Variants in EIF4E2 observed in about 807,000 individuals in gnomAD.
EIF4E2 encodes eukaryotic translation initiation factor 4E family member 2, also known as eukaryotic translation initiation factor 4E type 2.
Under a neutral mutation model 34.2 loss-of-function variants are expected in EIF4E2, and 13 were observed. That is an observed-to-expected ratio of 0.38 (90% confidence interval 0.25 to 0.60). The LOEUF is 0.60. EIF4E2 is among the 20% of genes least tolerant of loss of function. The pLI is 0.62. For synonymous variants in EIF4E2, 100 were observed against 106.6 expected (o/e 0.94, Z 0.38); for missense variants, 222 against 315.1 (o/e 0.70, Z 2.24).
intron 1 of EIF4E2, among the ~76,000 whole-genome samples, chr2:232,555,079 C>T (rs1042916447): frequency 6.6e-6 from 1 of 152,168 alleles, no homozygotes; most frequent in Non-Finnish European, 1.5e-5. Flanking sequence ...CAACATGTGA[C>T]TAGCTCATTC....
intron 3 of EIF4E2, among the ~76,000 whole-genome samples, chr2:232,561,328 A>G (rs2106242237): frequency 1.4e-5 from 1 of 72,716 alleles, no homozygotes; most frequent in South Asian, 3.7e-4. Flanking sequence ...CCCTCTTGTG[A>G]AAAAAAAAAG....
intron 6 of EIF4E2, among the ~76,000 whole-genome samples, chr2:232,578,492 G>C (rs554416980): frequency 6.6e-6 from 1 of 151,990 alleles, no homozygotes; most frequent in Admixed American, 6.6e-5. Context: ...TTAGCTGGGC[G>C]TGGTGGTGCA....
At chr2:232,558,100 G>A in intron 3 of EIF4E2, 82 bp downstream of exon 3, 3 of 1,530,720 alleles carry the variant, frequency 2.0e-6, no homozygotes, top group Non-Finnish European at 2.6e-6. Flanking sequence ...TACTTTCCTA[G>A]TAACCTATTT....
At chr2:232,552,432 C>T (rs887179519) in intron 1 of EIF4E2, among the ~76,000 whole-genome samples, 15 of 152,110 alleles carry the variant, frequency 9.9e-5, no homozygotes, top group African/African-American at 3.6e-4. Context: ...AGGCCGATCT[C>T]GAACTCGGGC....
In EIF4E2 at chr2:232,566,210, G is replaced by A. The variant is rs368847412; in HGVS notation, c.376-619G>A. Reference sequence around the variant, plus strand: ...TTTGTTTTGTTTTGTTTTTTGAGACGGAGTCTTGCTGTGTTTCCCAGGCGG... The same window carrying A: ...TTTGTTTTGTTTTGTTTTTTGAGACAGAGTCTTGCTGTGTTTCCCAGGCGG... On this transcript the variant is annotated intron_variant, in intron 4 of 6. Transcript: ENST00000258416. The surrounding 1 kb of genome is among the most constrained non-coding windows in gnomAD (Gnocchi z 4.9). 2.0e-5 allele frequency among the ~76,000 whole-genome samples: 3 copies of A among 151,890 alleles called. No homozygotes were observed. The highest frequency in any genetic ancestry group is 2.1e-4 in the South Asian group (1 of 4,828).
chr2:232,567,109 C>G lies in EIF4E2; in HGVS notation c.560C>G (p.Ala187Gly). 6.2e-7 allele frequency: 1 copy of G among 1,614,046 alleles called. No homozygotes were observed. Among genetic ancestry groups the G allele is most frequent in the Non-Finnish European group, 8.5e-7 (1 of 1,179,978 alleles). The change falls in exon 6 of 7, where the codon GCC (alanine) becomes GGC (glycine). Residue 187 changes from alanine to glycine, a missense_variant. This residue lies in a region of EIF4E2 where 105 missense variants were observed against 195.1 expected (regional missense o/e 0.54). Coordinates refer to ENST00000258416, the MANE Select transcript of EIF4E2 (RefSeq NM_004846.4). ...EDIISIWNKT[A>G]SDQATTARIR... ...ATTATTTCAATATGGAATAAGACTG[C>G]CAGTGACCAAGCAACCACAGCCCGA...
chr2:232,562,022 C>A (rs1367517402), intron 3 of EIF4E2, among the ~76,000 whole-genome samples: 4 of 151,754 alleles, frequency 2.6e-5, no homozygotes, highest in African/African-American at 9.7e-5. Flanking sequence ...CAAGACCAGC[C>A]TGGCAACAGT....
At chr2:232,580,235 TGAG>T (rs956405150) in intron 6 of EIF4E2, among the ~76,000 whole-genome samples, 2 of 152,190 alleles carry the variant, frequency 1.3e-5, no homozygotes, top group African/African-American at 4.8e-5. Context: ...AGTTTTAAAC[TGAG>T]GATTCTTATT....
chr2:232,562,788 A>T (rs947083565), intron 3 of EIF4E2, among the ~76,000 whole-genome samples: 1 of 152,176 alleles, frequency 6.6e-6, no homozygotes. Flanking sequence ...TTATTCAACT[A>T]TGTTAGGGTG....
rs781636845 is a variant in EIF4E2, at chr2:232,568,987, C to G, written c.708C>G (p.Asn236Lys). 9.3e-6 allele frequency: 15 copies of G among 1,614,094 alleles called. No homozygotes were observed. The highest frequency in any genetic ancestry group is 1.3e-5 in the Non-Finnish European group (15 of 1,180,052). Residue 236 changes from asparagine (N) to lysine (K), a missense_variant, in exon 7 of 7, where the codon AAC becomes AAG. By Grantham distance (94) the Asn-to-Lys change is moderately conservative. Around this residue, in one of 3 missense-constraint regions of EIF4E2, gnomAD observed 30 missense variants for 26.3 expected, o/e 1.14. Transcript: ENST00000258416. Reference sequence around the variant, plus strand: ...GCCCCCAAAGGCTCCTTTTTCAAAACCTCTGGAAGCCGCGGTTGAATGTGC... The same window carrying G: ...GCCCCCAAAGGCTCCTTTTTCAAAAGCTCTGGAAGCCGCGGTTGAATGTGC... ...RLGPQRLLFQ[N>K]LWKPRLNVP
chr2:232,581,272 G>A lies in EIF4E2; in HGVS notation c.*329G>A, dbSNP rs368189086. 16 of 437,510 alleles carry A rather than the reference G, an allele frequency of 3.7e-5. No homozygotes were observed. Among genetic ancestry groups the A allele is most frequent in the Middle Eastern group, 6.8e-4 (1 of 1,468 alleles). 27.1% of individuals were successfully genotyped at this position (437,510 alleles called of 1,614,324 possible). On this transcript the variant is annotated 3_prime_UTR_variant, in exon 7 of 7. Coordinates refer to the EIF4E2 transcript ENST00000409098. This position sits in a 1 kb window ranked among gnomAD's most constrained non-coding sequence, Gnocchi z 5.2. ...CTGTTGTTCTCTTCCCGTGTTGTAC[G>A]AAGGGTACCGTGGCCACGTGTACAT...
Position 232,556,629 on chromosome 2 carries a change from C to T in EIF4E2, c.135+99C>T, listed in dbSNP as rs1454369929. The T allele has an allele frequency of 8.3e-6, 7 of 840,070 alleles. No individual in the cohort carries two copies. The African/African-American group carries it at 1.2e-4, about 14-fold the overall frequency. The allele number at this position is 840,070 out of a possible 1,614,324, so 52.0% of individuals were successfully genotyped here. On this transcript the variant is annotated intron_variant, in intron 2 of 6. Coordinates refer to ENST00000258416, the MANE Select transcript of EIF4E2 (RefSeq NM_004846.4). The stretch of plus-strand genomic sequence containing the variant: ...GGAAGATACCAGATTAACTTGATGG[C>T]ATCCTGTGTTGGAATATCTGACTTT...
rs535310610 is a variant in EIF4E2, at chr2:232,555,151, A to G, written c.21-1265A>G. On this transcript the variant is annotated intron_variant, in intron 1 of 6. Transcript: ENST00000258416. The stretch of plus-strand genomic sequence containing the variant: ...CACTGGGGATTCGTGGGCAAAAAAA[A>G]CCAGACCACAAATACAAAGTACCCT... Among the ~76,000 whole-genome samples the G allele has an allele frequency of 3.9e-5, 6 of 152,326 alleles. No individual in the cohort carries two copies. In the South Asian group the frequency reaches 1.2e-3, roughly 32 times the overall value.
At chr2:232,582,742 G>A (rs971015768) in exon 7 of EIF4E2, 1 of 152,260 alleles carries the variant, frequency 6.6e-6, no homozygotes, top group Non-Finnish European at 1.5e-5. Context: ...TGTATGTGTA[G>A]AGTGTGCTTA....
chr2:232,564,195 C>A, intron 3 of EIF4E2, 52 bp from the exon 4 acceptor site: 1 of 1,305,848 alleles, frequency 7.7e-7, no homozygotes, highest in East Asian at 2.5e-5. Context: ...GGGATGCATT[C>A]AAAGAAAAGT....
At chr2:232,571,392 T>C (rs1409325005), downstream of EIF4E2, among the ~76,000 whole-genome samples, 1 of 152,260 alleles carries the variant, frequency 6.6e-6, no homozygotes, top group African/African-American at 2.4e-5. Flanking sequence ...GTTCCCCATA[T>C]TCTCTGCTTT....
intron 3 of EIF4E2, among the ~76,000 whole-genome samples, chr2:232,563,194 T>C (rs964868873): frequency 6.6e-6 from 1 of 152,198 alleles, no homozygotes; most frequent in African/African-American, 2.4e-5. Flanking sequence ...TCTTTCCTCC[T>C]AAAGTGTGCC....
intron 3 of EIF4E2, 21 bp downstream of exon 3, chr2:232,558,039 T>A: frequency 6.2e-7 from 1 of 1,613,574 alleles, no homozygotes; most frequent in Non-Finnish European, 8.5e-7. Context: ...GGTGAATTAA[T>A]GGAGTGTGCC....
chr2:232,556,493 C>G lies in EIF4E2; in HGVS notation c.98C>G (p.Thr33Arg). ...CAGAAAGATGGTGAGAAGGAAAAAA[C>G]GGAACGAGACAAGAATCAGAGCAGT... Reference protein sequence around the residue: ...STQKDGEKEKTERDKNQSSSK... With the variant: ...STQKDGEKEKRERDKNQSSSK... The change falls in exon 2 of 7, where the codon ACG becomes AGG. Residue 33 changes from threonine (T) to arginine (R), a missense_variant. Thr to Arg is a moderately conservative substitution (Grantham distance 71). Coordinates refer to ENST00000258416, the MANE Select transcript of EIF4E2 (RefSeq NM_004846.4). 6.2e-7 allele frequency: 1 copy of G among 1,613,372 alleles called. No individual in the cohort carries two copies.
Sources: allele counts gnomAD v4.1 joint callset (sites outside exome capture counted in the v4.1 genomes callset), GRCh38; gene constraint gnomAD v4.1.1; regional missense constraint gnomAD v4.1.1; non-coding constraint Gnocchi (gnomAD v3.1); transcripts MANE v1.5; gene names NCBI Gene and HGNC (gene_info 2026-07-23, HGNC 2026-07-21).